Variants in PCDH15 observed in about 807,000 individuals in gnomAD.
The protein encoded by PCDH15 is protocadherin-15.
PCDH15 carries 129 observed loss-of-function variants against 178.5 expected under a neutral mutation model. The ratio of observed to expected loss-of-function variants is 0.72; its 90% CI spans 0.63 to 0.84. The LOEUF is 0.84. Among genes scored for constraint, PCDH15 ranks in the 40% least tolerant of loss-of-function variants. The probability of loss-of-function intolerance (pLI) is 0.00; values close to 1 mark genes in which losing one functional copy is unlikely to be tolerated. For synonymous variants in PCDH15, 800 were observed against 732.0 expected, an observed-to-expected ratio of 1.09 and a Z score of -1.50; for missense variants, 2,230 against 2,099.9, an observed-to-expected ratio of 1.06 and a Z score of -1.21.
chr10:54,119,738 G>A (rs1406805095), intron 15 of PCDH15, among the ~76,000 whole-genome samples: 1 of 151,588 alleles, frequency 6.6e-6, no homozygotes, highest in Non-Finnish European at 1.5e-5. Context: ...TTTTTTTTTA[G>A]CAGTAAGCTC....
chr10:54,906,318 T>G (rs764346139), intron 2 of PCDH15, among the ~76,000 whole-genome samples: 43 of 152,104 alleles, frequency 2.8e-4, no homozygotes, highest in Non-Finnish European at 5.4e-4. Flanking sequence ...AAAATACAAC[T>G]CAGAAATCGA....
At chr10:55,179,839 A>C (rs1048954602) in intron 1 of PCDH15, among the ~76,000 whole-genome samples, 3 of 151,922 alleles carry the variant, frequency 2.0e-5, no homozygotes, top group African/African-American at 7.2e-5. Flanking sequence ...AATGGGAGAG[A>C]AGTGGCAACT....
chr10:55,566,160 A>C (rs1589142737), intron 2 of PCDH15, among the ~76,000 whole-genome samples: 1 of 151,876 alleles, frequency 6.6e-6, no homozygotes, highest in Non-Finnish European at 1.5e-5. Flanking sequence ...AACATACAAA[A>C]ATTGTTAAAT....
rs145125912 is a variant in PCDH15, at chr10:55,188,115, G to A, written c.-155-21464C>T. Among the ~76,000 whole-genome samples, 463 of 152,058 alleles carry A rather than the reference G, an allele frequency of 3.0e-3. 5 individuals carry two copies. Among genetic ancestry groups the A allele is most frequent in the African/African-American group, 0.01 (427 of 41,502 alleles). On this transcript the variant is annotated intron_variant, in intron 1 of 5. Coordinates refer to the PCDH15 transcript ENST00000458638. ...AGAATTTGCTAATTTGGTGAATGAA[G>A]ATAAGCAAACAGTTTAAAACATGTG...
At chr10:54,818,847 T>A (rs532653493) in intron 3 of PCDH15, among the ~76,000 whole-genome samples, 105 of 152,214 alleles carry the variant, frequency 6.9e-4, no homozygotes, top group African/African-American at 2.4e-3. Context: ...ATTTTTTAGA[T>A]GATCTGTTAT....
At chr10:54,823,721 T>C (rs956299041) in intron 3 of PCDH15, among the ~76,000 whole-genome samples, 1 of 152,058 alleles carries the variant, frequency 6.6e-6, no homozygotes, top group Non-Finnish European at 1.5e-5. Flanking sequence ...ATTGGTGCTA[T>C]TCTACTTCAT....
intron 2 of PCDH15, among the ~76,000 whole-genome samples, chr10:54,550,003 T>C (rs1337420249): frequency 3.3e-5 from 5 of 152,016 alleles, no homozygotes; most frequent in African/African-American, 1.2e-4. Flanking sequence ...CTAACTCCTA[T>C]AGACTCTTTA....
intron 37 of PCDH15, chr10:53,809,642 G>T: frequency 8.5e-7 from 1 of 1,175,150 alleles, no homozygotes; most frequent in Non-Finnish European, 1.2e-6. Context: ...ATCTGTGGGT[G>T]ATAGCTTCAT....
chr10:54,748,391 G>A (rs905810960), intron 1 of PCDH15, among the ~76,000 whole-genome samples: 5 of 151,982 alleles, frequency 3.3e-5, no homozygotes, highest in African/African-American at 7.3e-5. Flanking sequence ...ACCAAGGTCC[G>A]TGCTCTTTTT....
intron 2 of PCDH15, among the ~76,000 whole-genome samples, chr10:54,917,035 A>G (rs906994491): frequency 2.0e-5 from 3 of 152,190 alleles, no homozygotes; most frequent in African/African-American, 7.2e-5. Context: ...GAAATTAGAA[A>G]TTTAGAAGAC....
intron 23 of PCDH15, among the ~76,000 whole-genome samples, chr10:53,958,010 C>T (rs547813222): frequency 5.3e-5 from 8 of 152,146 alleles, no homozygotes; most frequent in African/African-American, 1.2e-4. Flanking sequence ...TTCTTCTAAA[C>T]GCAGCTTTGT....
intron 3 of PCDH15, among the ~76,000 whole-genome samples, chr10:54,411,272 G>A (rs1437202900): frequency 6.6e-6 from 1 of 151,960 alleles, no homozygotes; most frequent in Admixed American, 6.6e-5. Context: ...ATTTTGGCTG[G>A]ATTTAAAGGC....
At chr10:55,011,448 C>A (rs1840046282) in intron 2 of PCDH15, among the ~76,000 whole-genome samples, 1 of 152,024 alleles carries the variant, frequency 6.6e-6, no homozygotes, top group Non-Finnish European at 1.5e-5. Flanking sequence ...GCTATGGAGT[C>A]TTTTCTTAAA....
intron 18 of PCDH15, among the ~76,000 whole-genome samples, chr10:54,026,092 C>T (rs1043894218): frequency 2.1e-5 from 3 of 141,680 alleles, no homozygotes; most frequent in African/African-American, 7.8e-5. Flanking sequence ...TTTTTTGAAA[C>T]AGGTCTTGCT....
At chr10:54,411,745 A>G (rs4287260) in intron 3 of PCDH15, among the ~76,000 whole-genome samples, 120,536 of 151,960 alleles carry the variant, frequency 0.79, 48,579 homozygotes, top group East Asian at 0.97. Flanking sequence ...TACAGGGGCT[A>G]TGTCTCCAGT....
intron 2 of PCDH15, among the ~76,000 whole-genome samples, chr10:55,510,161 G>A (rs1010768217): frequency 2.6e-5 from 4 of 151,820 alleles, no homozygotes; most frequent in Non-Finnish European, 5.9e-5. Context: ...AAAAATGTTG[G>A]TTTTCTCTTA....
intron 10 of PCDH15, among the ~76,000 whole-genome samples, chr10:54,209,677 C>T (rs1591184716): frequency 6.6e-6 from 1 of 152,006 alleles, no homozygotes; most frequent in East Asian, 1.9e-4. Context: ...AAAAGATGTC[C>T]GTAGGCATCA....
rs144919195 is a variant in PCDH15, at chr10:54,537,822, G to T, written c.92-9945C>A. 3.2e-3 allele frequency among the ~76,000 whole-genome samples: 492 copies of T among 151,992 alleles called. 4 individuals carry two copies. The highest frequency in any genetic ancestry group is 0.012 in the African/African-American group (481 of 41,474). On this transcript the variant is annotated intron_variant, in intron 2 of 37. Transcript: ENST00000644397. ...AATAATAGCATTTTGACTGGTGTGA[G>T]GTAGTATCTCATTGTGGTTTTGATT...
chr10:53,925,640 C>G (rs1191989918), intron 25 of PCDH15, among the ~76,000 whole-genome samples: 1 of 152,206 alleles, frequency 6.6e-6, no homozygotes, highest in Non-Finnish European at 1.5e-5. Context: ...GACAGGGAAT[C>G]TCCTATCATT....
Sources: allele counts gnomAD v4.1 joint callset (sites outside exome capture counted in the v4.1 genomes callset), GRCh38; gene constraint gnomAD v4.1.1; transcripts MANE v1.5; gene names NCBI Gene and HGNC (gene_info 2026-07-23, HGNC 2026-07-21).